WDFY4: variants seen among roughly 807,000 people sequenced by gnomAD.
The protein encoded by WDFY4 is WDFY family member 4.
WDFY4 carries 169 observed loss-of-function variants against 351.9 expected under a neutral mutation model. The ratio of observed to expected loss-of-function variants is 0.48; its 90% CI spans 0.42 to 0.55. The LOEUF (loss-of-function observed/expected upper bound fraction) is 0.55, where lower values mean the gene tolerates loss of function less well. Among genes scored for constraint, WDFY4 ranks in the 20% least tolerant of loss-of-function variants. WDFY4 has a pLI of 0.00. For missense variants in WDFY4, 3,803 were observed against 3,935.6 expected, an observed-to-expected ratio of 0.97 and a Z score of 0.90; for synonymous variants, 1,622 against 1,574.6, an observed-to-expected ratio of 1.03 and a Z score of -0.71.
chr10:48,797,623 T>A (rs941322129), intron 24 of WDFY4, among the ~76,000 whole-genome samples: 2 of 152,208 alleles, frequency 1.3e-5, no homozygotes, highest in African/African-American at 2.4e-5. Context: ...TGTTTTGAGA[T>A]CAGAATAATA....
intron 47 of WDFY4, among the ~76,000 whole-genome samples, chr10:48,925,405 A>G (rs1261213018): frequency 6.6e-6 from 1 of 152,194 alleles, no homozygotes; most frequent in East Asian, 1.9e-4. Context: ...CAGGCCGCTG[A>G]AATCAGCACT....
At position 48,957,323 on chromosome 10, in the gene WDFY4, G is replaced by C. The variant is rs762115931; in HGVS notation, c.8131+41G>C. ...GTGAGGCCGGGTGAGTGGCGTTGCA[G>C]GGTGCTCTTTCCCACAGCCCCTGGG... On this transcript the variant is annotated intron_variant, in intron 52 of 61. Transcript: ENST00000325239. The C allele has an allele frequency of 5.2e-6, 8 of 1,538,676 alleles. No homozygotes were observed. The South Asian group carries it at 7.2e-5, about 14-fold the overall frequency.
intron 25 of WDFY4, among the ~76,000 whole-genome samples, chr10:48,804,208 A>T (rs2067177327): frequency 6.6e-6 from 1 of 152,228 alleles, no homozygotes; most frequent in East Asian, 1.9e-4. Flanking sequence ...CTCCTGGCTC[A>T]GGCTGGTCTA....
At position 48,817,261 on chromosome 10, in the gene WDFY4, A is replaced by G; in HGVS notation, c.5357A>G (p.Glu1786Gly). 1 of 1,551,710 alleles carries G rather than the reference A, an allele frequency of 6.4e-7. No individual in the cohort carries two copies. The highest frequency in any genetic ancestry group is 1.2e-5 in the South Asian group (1 of 84,060). ...GTGCCTCAGCCCCTGGCAGGTTCTG[A>G]GGATGGTGCCTGGGCACAGACCTTC... ...ATMSQPLAGS[E>G]DGAWAQTFPA... The change falls in exon 32 of 62, where the codon GAG becomes GGG. Residue 1786 changes from glutamate (E) to glycine (G), a missense_variant. By Grantham distance (98) the Glu-to-Gly change is moderately conservative (BLOSUM62 -2). This residue lies in a region of WDFY4 where 3,054 missense variants were observed against 3,148.6 expected (regional missense o/e 0.97). Coordinates refer to ENST00000325239, the MANE Select transcript of WDFY4 (RefSeq NM_001394531.1).
chr10:48,982,426 C>T, intron 61 of WDFY4, 83 bp from the exon 62 acceptor site: 1 of 1,261,100 alleles, frequency 7.9e-7, no homozygotes, highest in Non-Finnish European at 1.1e-6. Flanking sequence ...AGATAGAGCC[C>T]CAGAGTTGCA....
intron 1 of WDFY4, among the ~76,000 whole-genome samples, chr10:48,685,598 C>G (rs1407722488): frequency 6.6e-6 from 1 of 152,186 alleles, no homozygotes; most frequent in South Asian, 2.1e-4. Context: ...ATTGAAACGC[C>G]TGCATTTTCT....
At chr10:48,941,895 A>G in intron 48 of WDFY4, 47 bp downstream of exon 48, 1 of 1,535,830 alleles carries the variant, frequency 6.5e-7, no homozygotes, top group East Asian at 2.4e-5. Context: ...TGCAAACCAG[A>G]GAATGGCTCA....
intron 39 of WDFY4, among the ~76,000 whole-genome samples, chr10:48,866,485 T>C (rs547368418): frequency 1.3e-5 from 2 of 152,350 alleles, no homozygotes; most frequent in South Asian, 2.1e-4. Context: ...CTGAAGTTTG[T>C]TTTGTGGCCT....
chr10:48,811,978 T>C (rs1386561735), intron 30 of WDFY4, among the ~76,000 whole-genome samples: 1 of 152,100 alleles, frequency 6.6e-6, no homozygotes, highest in Non-Finnish European at 1.5e-5. Flanking sequence ...ACCTTCCTTT[T>C]GGGCACAGCT....
chr10:48,872,539 T>A (rs2069822869), intron 40 of WDFY4, among the ~76,000 whole-genome samples: 1 of 152,232 alleles, frequency 6.6e-6, no homozygotes, highest in Admixed American at 6.5e-5. Context: ...TTCTTGTCAT[T>A]AGCACTTCAC....
chr10:48,877,149 C>T lies in WDFY4; in HGVS notation c.7117C>T (p.Leu2373=), dbSNP rs1398797640. 6.4e-7 allele frequency: 1 copy of T among 1,551,672 alleles called. No homozygotes were observed. Among genetic ancestry groups the T allele is most frequent in the East Asian group, 2.4e-5 (1 of 40,916 alleles). ...ESLHSEDFLE[L]CRERQVILQE... ...TCTGCACTCAGAAGACTTCTTGGAA[C>T]TGTGTCGGGAAAGACAAGTTATTTT... The change falls in exon 43 of 62, where the codon CTG becomes TTG. Residue 2373 remains leucine, a synonymous_variant. Transcript: ENST00000325239.
In WDFY4 at chr10:48,720,989, C is replaced by T. The variant is rs77288070; in HGVS notation, c.350-272C>T. Among the ~76,000 whole-genome samples the T allele has an allele frequency of 1.1e-3, 168 of 152,222 alleles. 3 individuals carry two copies. The East Asian group carries it at 0.014, about 13-fold the overall frequency. Reference sequence around the variant, plus strand: ...TCTGGATTGTGGGGAGTCTGATAGCCGATTAGCTTGTTCTTACTCATTGGC... The same window carrying T: ...TCTGGATTGTGGGGAGTCTGATAGCTGATTAGCTTGTTCTTACTCATTGGC... On this transcript the variant is annotated intron_variant, in intron 3 of 61. Coordinates refer to ENST00000325239, the MANE Select transcript of WDFY4 (RefSeq NM_001394531.1).
intron 39 of WDFY4, among the ~76,000 whole-genome samples, chr10:48,857,332 A>G (rs1314292589): frequency 1.6e-5 from 2 of 126,224 alleles, no homozygotes; most frequent in South Asian, 2.4e-4. Flanking sequence ...TTCTTAAGTG[A>G]AAATAGCTTT....
At chr10:48,721,505 C>G in intron 4 of WDFY4, 138 bp downstream of exon 4, 1 of 774,750 alleles carries the variant, frequency 1.3e-6, no homozygotes, top group Non-Finnish European at 2.2e-6. Flanking sequence ...TCCCTCCTCC[C>G]CTTCTGGTGT....
chr10:48,914,816 G>A (rs1838356938), intron 47 of WDFY4, among the ~76,000 whole-genome samples: 1 of 152,170 alleles, frequency 6.6e-6, no homozygotes, highest in African/African-American at 2.4e-5. Context: ...GGATATCAGG[G>A]TGTGCCATTG....
chr10:48,893,750 T>G (rs995426490), intron 44 of WDFY4, among the ~76,000 whole-genome samples: 10 of 152,208 alleles, frequency 6.6e-5, no homozygotes, highest in Non-Finnish European at 8.8e-5. Context: ...GAAGTATGTT[T>G]TATCCTGAAA....
At chr10:48,913,707 C>T in intron 47 of WDFY4, 2 of 1,612,486 alleles carry the variant, frequency 1.2e-6, no homozygotes, top group East Asian at 2.2e-5. Flanking sequence ...GTCATGGAGC[C>T]CTACCTCGTG....
At position 48,966,567 on chromosome 10, in the gene WDFY4, G is replaced by T. The variant is rs767486000; in HGVS notation, c.8478G>T (p.Lys2826Asn). ...KPHPARTAAGKPLPGKDVSTP... is the reference protein window; with the variant it reads ...KPHPARTAAGNPLPGKDVSTP... ...ACCCAGCCAGGACTGCAGCAGGGAAGCCTCTGCCTGGAAAGGATGTCTCCA... is the reference window on the plus strand; with the variant it reads ...ACCCAGCCAGGACTGCAGCAGGGAATCCTCTGCCTGGAAAGGATGTCTCCA... The change falls in exon 55 of 62, where the codon AAG (lysine) becomes AAT (asparagine). Residue 2826 changes from lysine (K) to asparagine (N), a missense_variant. Transcript: ENST00000325239. 6.4e-6 allele frequency: 10 copies of T among 1,552,180 alleles called. No homozygotes were observed. The highest frequency in any genetic ancestry group is 8.7e-6 in the Non-Finnish European group (10 of 1,147,100).
At position 48,774,478 on chromosome 10, in the gene WDFY4, C is replaced by A; in HGVS notation, c.2574C>A (p.Cys858Ter). Reference protein sequence around the residue: ...DHPQLSEEIQCSLASHIQSLV... With the variant: ...DHPQLSEEIQ ...CTTAGCTTTCCGAGGAGATCCAGTG[C>A]TCCCTGGCCAGTCATATCCAGTCCC... Residue 858 changes from cysteine to a stop codon, truncating the protein, a stop_gained, in exon 14 of 62, where the codon TGC becomes TGA. Transcript: ENST00000325239. LOFTEE classifies it high-confidence loss of function. 2 of 1,551,752 alleles carry A rather than the reference C, an allele frequency of 1.3e-6. No individual in the cohort carries two copies. The highest frequency in any genetic ancestry group is 1.7e-6 in the Non-Finnish European group (2 of 1,146,998).
Sources: gnomAD v4.1 joint callset for allele counts (sites outside exome capture counted in the v4.1 genomes callset) on GRCh38, gnomAD v4.1.1 for gene constraint, gnomAD v4.1.1 regional missense constraint, MANE v1.5 for transcripts, NCBI Gene and HGNC (gene_info 2026-07-23, HGNC 2026-07-21) for gene names.